The following NFAT5 variants were observed in gnomAD, a reference collection of about 807,000 sequenced individuals.
NFAT5 encodes the protein nuclear factor of activated T-cells 5.
In NFAT5, 31 loss-of-function variants were observed where a neutral mutation model predicts 166.5. The ratio of observed to expected loss-of-function variants is 0.19; its 90% CI spans 0.14 to 0.25. The LOEUF is 0.25. Among genes scored for constraint, NFAT5 ranks in the 10% least tolerant of loss-of-function variants. The probability of loss-of-function intolerance (pLI) is 1.00; values close to 1 mark genes in which losing one functional copy is unlikely to be tolerated. For missense variants in NFAT5, 1,449 were observed against 1,821.8 expected, an observed-to-expected ratio of 0.80 and a Z score of 3.72; for synonymous variants, 612 against 639.7, an observed-to-expected ratio of 0.96 and a Z score of 0.65.
intron 2 of NFAT5, among the ~76,000 whole-genome samples, chr16:69,613,063 A>C (rs894192095): frequency 6.6e-6 from 1 of 152,208 alleles, no homozygotes; most frequent in South Asian, 2.1e-4. Context: ...TATATTCTCT[A>C]TCACAGGAAA....
At chr16:69,613,726 G>A (rs1261879430) in intron 2 of NFAT5, among the ~76,000 whole-genome samples, 1 of 152,174 alleles carries the variant, frequency 6.6e-6, no homozygotes, top group Non-Finnish European at 1.5e-5. Flanking sequence ...CTCCAGTTGT[G>A]TAACACTTCA....
chr16:69,602,270 C>CTT (rs66903207), intron 2 of NFAT5, among the ~76,000 whole-genome samples: 12 of 136,574 alleles, frequency 8.8e-5, no homozygotes, highest in African/African-American at 2.1e-4. Context: ...TGGTTATTAT[C>CTT]TTTTTTTTTT....
At chr16:69,669,234 A>G (rs2151669498) in intron 7 of NFAT5, among the ~76,000 whole-genome samples, 1 of 152,218 alleles carries the variant, frequency 6.6e-6, no homozygotes, top group South Asian at 2.1e-4. Context: ...GGCACTCAAA[A>G]AGTTTTGGAT....
intron 11 of NFAT5, among the ~76,000 whole-genome samples, chr16:69,686,351 T>C (rs1239218992): frequency 6.7e-6 from 1 of 150,050 alleles, no homozygotes; most frequent in Non-Finnish European, 1.5e-5. Flanking sequence ...GGACTCGGTC[T>C]CAAAAAAAAA....
At chr16:69,625,374 G>T (rs924099027) in intron 2 of NFAT5, among the ~76,000 whole-genome samples, 35 of 151,806 alleles carry the variant, frequency 2.3e-4, no homozygotes, top group African/African-American at 8.0e-4. Context: ...ATTTTTAAAA[G>T]ATACAGGGTT....
At chr16:69,615,579 T>C (rs1490035976) in intron 2 of NFAT5, among the ~76,000 whole-genome samples, 2 of 152,272 alleles carry the variant, frequency 1.3e-5, no homozygotes, top group Admixed American at 1.3e-4. Context: ...CAGGTATATA[T>C]ACACATTTAT....
intron 10 of NFAT5, among the ~76,000 whole-genome samples, chr16:69,682,718 A>G (rs924752592): frequency 6.6e-6 from 1 of 152,112 alleles, no homozygotes; most frequent in Non-Finnish European, 1.5e-5. Context: ...TAAATCTTTT[A>G]TTACTAGAAT....
chr16:69,612,034 A>G (rs904807915), intron 2 of NFAT5, among the ~76,000 whole-genome samples: 2 of 152,232 alleles, frequency 1.3e-5, no homozygotes, highest in African/African-American at 4.8e-5. Flanking sequence ...TAGCAGGTAC[A>G]ATGTTGTTTC....
intron 2 of NFAT5, among the ~76,000 whole-genome samples, chr16:69,571,101 G>A (rs553735583): frequency 7.7e-6 from 1 of 130,318 alleles, no homozygotes; most frequent in East Asian, 2.5e-4. Context: ...AGACCAGCCT[G>A]GCTAACATGG....
chr16:69,653,447 A>G lies in NFAT5; in HGVS notation c.1005+19A>G, dbSNP rs766724495. The G allele has an allele frequency of 4.9e-6, 7 of 1,420,234 alleles. No individual in the cohort carries two copies. Among genetic ancestry groups the G allele is most frequent in the East Asian group, 2.7e-5 (1 of 37,514 alleles). 88.0% of individuals were successfully genotyped at this position (1,420,234 alleles called of 1,614,324 possible). A position where few individuals can be genotyped will look rare whatever the true frequency, so the allele number is the denominator to read the frequency against. Reference sequence around the variant, plus strand: ...AGTAAAGGTATTTACTTTATTTATCATTTGAATTTTAGTTAAAATGTAAAG... The same window carrying G: ...AGTAAAGGTATTTACTTTATTTATCGTTTGAATTTTAGTTAAAATGTAAAG... On this transcript the variant is annotated intron_variant, in intron 5 of 14. Transcript: ENST00000349945.
At chr16:69,673,678 C>G (rs1159330355) in intron 9 of NFAT5, among the ~76,000 whole-genome samples, 1 of 151,734 alleles carries the variant, frequency 6.6e-6, no homozygotes, top group Non-Finnish European at 1.5e-5. Context: ...AGCCCTGATT[C>G]CGCCACTGCA....
intron 6 of NFAT5, among the ~76,000 whole-genome samples, chr16:69,656,005 G>A (rs1427151084): frequency 6.6e-6 from 1 of 152,154 alleles, no homozygotes; most frequent in Non-Finnish European, 1.5e-5. Context: ...GTTGGGCCAG[G>A]CGCAGTGGCT....
intron 3 of NFAT5, among the ~76,000 whole-genome samples, chr16:69,635,023 GTTTTT>G (rs530661389): frequency 1.9e-5 from 2 of 105,264 alleles, no homozygotes; most frequent in Admixed American, 2.3e-4. Flanking sequence ...TGTTAGTAAA[GTTTTT>G]TTTTTTTTTT....
At chr16:69,589,107 GC>G (rs1401348318) in intron 2 of NFAT5, among the ~76,000 whole-genome samples, 1 of 144,870 alleles carries the variant, frequency 6.9e-6, no homozygotes, top group Non-Finnish European at 1.5e-5. Flanking sequence ...TGATTCTCCT[GC>G]CTCAGCCTCC....
intron 4 of NFAT5, chr16:69,648,768 A>G: frequency 5.1e-6 from 5 of 973,060 alleles, no homozygotes; most frequent in Non-Finnish European, 6.1e-6. Context: ...AGTTTTACAC[A>G]AAAAGTGGTC....
intron 11 of NFAT5, chr16:69,690,496 C>T (rs967003238): frequency 6.6e-6 from 1 of 152,214 alleles, no homozygotes; most frequent in African/African-American, 2.4e-5. Context: ...GAAAGAAGTG[C>T]TCTGACAATC....
At chr16:69,689,131 G>C (rs1417142193) in intron 11 of NFAT5, among the ~76,000 whole-genome samples, 1 of 152,084 alleles carries the variant, frequency 6.6e-6, no homozygotes, top group African/African-American at 2.4e-5. Flanking sequence ...TTAAAAATTA[G>C]TCAGGCATGG....
intron 3 of NFAT5, among the ~76,000 whole-genome samples, chr16:69,630,327 C>T (rs1021778818): frequency 2.6e-5 from 4 of 152,032 alleles, no homozygotes; most frequent in African/African-American, 4.8e-5. Flanking sequence ...CCACTATGCT[C>T]GGCCCTGGAT....
At chr16:69,614,540 A>G (rs1291793518) in intron 2 of NFAT5, among the ~76,000 whole-genome samples, 12 of 152,226 alleles carry the variant, frequency 7.9e-5, no homozygotes, top group Admixed American at 7.9e-4. Flanking sequence ...AGTTGTGAAT[A>G]TAGTGCAAAT....
Sources: gnomAD v4.1 joint callset for allele counts (sites outside exome capture counted in the v4.1 genomes callset) on GRCh38, gnomAD v4.1.1 for gene constraint, MANE v1.5 for transcripts, NCBI Gene and HGNC (gene_info 2026-07-23, HGNC 2026-07-21) for gene names.